ZNF430: variants seen among roughly 807,000 people sequenced by gnomAD.
ZNF430 encodes zinc finger protein 430.
In ZNF430, 35 loss-of-function variants were observed where a neutral mutation model predicts 56.7. The observed-to-expected ratio is 0.62, with a 90% confidence interval of 0.47 to 0.82. The LOEUF (loss-of-function observed/expected upper bound fraction) is 0.82. ZNF430 is among the 40% of genes least tolerant of loss of function. The pLI is 0.00. For synonymous variants in ZNF430, 212 were observed against 224.3 expected (o/e 0.94, Z 0.49); for missense variants, 574 against 661.0 (o/e 0.87, Z 1.44).
chr19:21,036,911 C>T (rs1296887308), intron 4 of ZNF430: 5 of 151,804 alleles, frequency 3.3e-5, no homozygotes, highest in Non-Finnish European at 7.4e-5. Flanking sequence ...AACTAAAACT[C>T]AATACCCATT....
Position 21,057,035 on chromosome 19 carries a change from A to G in ZNF430, c.727A>G (p.Asn243Asp). ...YQCEECGKVF[N>D]WFSTLTRHRR... ...ATGTGAAGAATGTGGTAAAGTCTTT[A>G]ACTGGTTCTCAACCCTTACTAGACA... The change falls in exon 5 of 5, where the codon AAC becomes GAC. Residue 243 changes from asparagine to aspartate, a missense_variant. Coordinates refer to ENST00000261560, the MANE Select transcript of ZNF430 (RefSeq NM_025189.4). 6.2e-7 allele frequency: 1 copy of G among 1,614,078 alleles called. No individual in the cohort carries two copies. The highest frequency in any genetic ancestry group is 2.2e-5 in the East Asian group (1 of 44,876).
chr19:21,054,808 G>T lies in ZNF430; in HGVS notation c.323-1823G>T, dbSNP rs187671175. On this transcript the variant is annotated intron_variant, in intron 4 of 4. Coordinates refer to ENST00000261560, the MANE Select transcript of ZNF430 (RefSeq NM_025189.4). ...TCCTGCCTCAGCCTCCTGCGTAGCT[G>T]GGACTACAGGCGCCCGCCACCACGC... Among the ~76,000 whole-genome samples, 983 of 151,590 alleles carry T rather than the reference G, an allele frequency of 6.5e-3. 12 individuals carry two copies. The highest frequency in any genetic ancestry group is 0.023 in the African/African-American group (933 of 41,322).
chr19:21,024,784 A>C lies in ZNF430; in HGVS notation c.96+1903A>C, dbSNP rs1394106862. Among the ~76,000 whole-genome samples, 8 of 152,102 alleles carry C rather than the reference A, an allele frequency of 5.3e-5. No homozygotes were observed. The South Asian group carries it at 6.2e-4, about 12-fold the overall frequency. On this transcript the variant is annotated intron_variant, in intron 2 of 4. Coordinates refer to ENST00000261560, the MANE Select transcript of ZNF430 (RefSeq NM_025189.4). ...GACAGGGCCAGATTCCATCTTAAAA[A>C]AAAAAAAAAGAAGTTGGAGGTGACT... is the stretch of plus-strand genomic sequence containing the variant.
At chr19:21,056,255 G>A (rs1968374684) in intron 4 of ZNF430, among the ~76,000 whole-genome samples, 1 of 152,148 alleles carries the variant, frequency 6.6e-6, no homozygotes, top group African/African-American at 2.4e-5. Flanking sequence ...TTGGGAGGCT[G>A]AAGTGGACGC....
In ZNF430 at chr19:21,058,837, G is replaced by A. The variant is rs1968425384; in HGVS notation, c.*816G>A. On this transcript the variant is annotated 3_prime_UTR_variant, in exon 5 of 5. Transcript: ENST00000261560. ...AATATAAGTGCAATTACTGTCAAAA[G>A]ATCTTTCAGAAAATATAAACCTTTA... 1 of 152,176 alleles carries A rather than the reference G, an allele frequency of 6.6e-6. No homozygotes were observed. Among genetic ancestry groups the A allele is most frequent in the Admixed American group, 6.6e-5 (1 of 15,266 alleles). The allele number at this position is 152,176 out of a possible 1,614,324, so 9.4% of individuals were successfully genotyped here. A position where few individuals can be genotyped will look rare whatever the true frequency, so the allele number is the denominator to read the frequency against.
At chr19:21,044,604 G>T (rs1459785632) in intron 4 of ZNF430, among the ~76,000 whole-genome samples, 5 of 152,160 alleles carry the variant, frequency 3.3e-5, no homozygotes, top group Admixed American at 2.0e-4. Context: ...TATAAAATGA[G>T]TTAGAGTGGA....
intron 4 of ZNF430, among the ~76,000 whole-genome samples, chr19:21,053,227 G>T (rs146851886): frequency 5.9e-5 from 9 of 151,996 alleles, no homozygotes; most frequent in Admixed American, 3.3e-4. Context: ...ACCTATAGGC[G>T]CCTGGCTACT....
intron 3 of ZNF430, chr19:21,033,794 T>G (rs1277989860): frequency 1.7e-6 from 1 of 582,406 alleles, no homozygotes; most frequent in South Asian, 2.9e-5. Context: ...CTGATCTGTA[T>G]CCTTCACTCT....
intron 4 of ZNF430, among the ~76,000 whole-genome samples, chr19:21,043,047 A>G (rs767589282): frequency 4.3e-4 from 11 of 25,344 alleles, no homozygotes; most frequent in Non-Finnish European, 4.1e-4. Flanking sequence ...GGTTGCAAAA[A>G]TGTTCTCCGA....
At chr19:21,051,706 G>A (rs1968287002) in intron 4 of ZNF430, among the ~76,000 whole-genome samples, 1 of 152,120 alleles carries the variant, frequency 6.6e-6, no homozygotes, top group Non-Finnish European at 1.5e-5. Flanking sequence ...GGCCTGGATG[G>A]TCTCGATCTC....
Position 21,057,688 on chromosome 19 carries a change from A to C in ZNF430, c.1380A>C (p.Glu460Asp), listed in dbSNP as rs1184486705. Residue 460 changes from glutamate to aspartate, a missense_variant, in exon 5 of 5, where the codon GAA becomes GAC. Glu to Asp is a conservative substitution (Grantham distance 45). Around this residue, in one of 3 missense-constraint regions of ZNF430, gnomAD observed 213 missense variants for 221.0 expected, o/e 0.96. Transcript: ENST00000261560. ...CTGGAGAGAAACCCTACAAATGTGA[A>C]GAATGTGGCAAAGCCTTTAACCGGT... ...IHTGEKPYKC[E>D]ECGKAFNRSP... 6.2e-6 allele frequency: 10 copies of C among 1,610,164 alleles called. No individual in the cohort carries two copies. The highest frequency in any genetic ancestry group is 1.7e-5 in the Admixed American group (1 of 59,408).
intron 4 of ZNF430, among the ~76,000 whole-genome samples, chr19:21,037,912 A>G (rs1350368152): frequency 6.6e-6 from 1 of 152,024 alleles, no homozygotes. Flanking sequence ...TAATTTTCAA[A>G]TCAAGTTATT....
At chr19:21,021,549 C>G (rs1967686531) in intron 1 of ZNF430, among the ~76,000 whole-genome samples, 1 of 151,964 alleles carries the variant, frequency 6.6e-6, no homozygotes, top group South Asian at 2.1e-4. Flanking sequence ...AGAAATTAAT[C>G]AAAGAGTGAT....
At chr19:21,039,314 G>A (rs1968059850) in intron 4 of ZNF430, among the ~76,000 whole-genome samples, 1 of 149,648 alleles carries the variant, frequency 6.7e-6, no homozygotes, top group Non-Finnish European at 1.5e-5. Flanking sequence ...ATGCTAGTTT[G>A]GAACTCCTGG....
chr19:21,026,494 G>C (rs1201920645), intron 2 of ZNF430, among the ~76,000 whole-genome samples: 1 of 151,932 alleles, frequency 6.6e-6, no homozygotes, highest in African/African-American at 2.4e-5. Context: ...GCCAATCTCT[G>C]ACTTCTTTAA....
chr19:21,058,316 T>C lies in ZNF430; in HGVS notation c.*295T>C, dbSNP rs372193983. The stretch of plus-strand genomic sequence containing the variant: ...AAAATTAGCCATGCGTAGTGGTGCA[T>C]GCCTGTAATCCCAGCTACTCGGGAG... On this transcript the variant is annotated 3_prime_UTR_variant, in exon 5 of 5. Transcript: ENST00000261560. 3.5e-6 allele frequency: 1 copy of C among 288,346 alleles called. No individual in the cohort carries two copies. 17.9% of individuals were successfully genotyped at this position (288,346 alleles called of 1,614,324 possible).
At chr19:21,028,426 A>G (rs1184433904) in intron 2 of ZNF430, among the ~76,000 whole-genome samples, 1 of 152,218 alleles carries the variant, frequency 6.6e-6, no homozygotes, top group Non-Finnish European at 1.5e-5. Flanking sequence ...CCCAAAAGCT[A>G]GCAAATTGGG....
Position 21,037,140 on chromosome 19 carries a change from C to T in ZNF430, c.322+2956C>T, listed in dbSNP as rs566236973. On this transcript the variant is annotated intron_variant, in intron 4 of 4. Transcript: ENST00000261560. The stretch of plus-strand genomic sequence containing the variant: ...TTTTTTTTTTTTTTTATTTTTGAGA[C>T]GGAGTCTCCTGTCACCCAGGCTGGA... 4.9e-5 allele frequency among the ~76,000 whole-genome samples: 7 copies of T among 141,862 alleles called. No individual in the cohort carries two copies. In the South Asian group the frequency reaches 1.3e-3, roughly 27 times the overall value. 93.1% of individuals were successfully genotyped at this position (141,862 alleles called of 152,430 possible).
At chr19:21,046,845 G>A (rs1968192520) in intron 4 of ZNF430, among the ~76,000 whole-genome samples, 1 of 151,936 alleles carries the variant, frequency 6.6e-6, no homozygotes, top group Admixed American at 6.6e-5. Context: ...ATCTTACTGG[G>A]GTTTTCTGGA....
Sources: gnomAD v4.1 joint callset for allele counts (sites outside exome capture counted in the v4.1 genomes callset) on GRCh38, gnomAD v4.1.1 for gene constraint, gnomAD v4.1.1 regional missense constraint, MANE v1.5 for transcripts, NCBI Gene and HGNC (gene_info 2026-07-23, HGNC 2026-07-21) for gene names.